SHB: variants seen among roughly 807,000 people sequenced by gnomAD.
SHB encodes the protein SH2 domain-containing adapter protein B.
SHB carries 20 observed loss-of-function variants against 52.3 expected under a neutral mutation model. The observed-to-expected ratio is 0.38, with a 90% confidence interval of 0.27 to 0.56. The LOEUF is 0.56. SHB is among the 20% of genes least tolerant of loss of function. The pLI is 0.71. For synonymous variants in SHB, 397 were observed against 316.5 expected, an observed-to-expected ratio of 1.25 and a Z score of -2.70; for missense variants, 825 against 723.3, an observed-to-expected ratio of 1.14 and a Z score of -1.61.
At chr9:38,033,144 G>A (rs760969364) in intron 1 of SHB, among the ~76,000 whole-genome samples, 3 of 152,206 alleles carry the variant, frequency 2.0e-5, no homozygotes, top group Admixed American at 1.3e-4. Context: ...AGGACTGGAC[G>A]ATCTAAGGAG....
At chr9:38,009,290 A>T (rs1461505286) in intron 2 of SHB, among the ~76,000 whole-genome samples, 1 of 152,164 alleles carries the variant, frequency 6.6e-6, no homozygotes, top group Non-Finnish European at 1.5e-5. Flanking sequence ...CTGATGCCAC[A>T]TGGAGGTGGC....
chr9:37,968,711 GTTAC>G (rs1212948807), intron 3 of SHB, among the ~76,000 whole-genome samples: 1 of 152,214 alleles, frequency 6.6e-6, no homozygotes, highest in Non-Finnish European at 1.5e-5. Flanking sequence ...AAGAGCTGCA[GTTAC>G]TTACTTCTCA....
chr9:38,059,792 G>A (rs1564113065), intron 1 of SHB, among the ~76,000 whole-genome samples: 1 of 152,150 alleles, frequency 6.6e-6, no homozygotes, highest in East Asian at 1.9e-4. Context: ...CACACAGCAG[G>A]TACTGGCCAC....
At chr9:38,027,103 G>A (rs962826393) in intron 1 of SHB, among the ~76,000 whole-genome samples, 1 of 152,244 alleles carries the variant, frequency 6.6e-6, no homozygotes, top group African/African-American at 2.4e-5. Flanking sequence ...CCACCAGGAA[G>A]GCAGGTTCTG....
Position 37,955,959 on chromosome 9 carries a change from T to TA in SHB, c.1149dup (p.Ile384TyrfsTer7). 6.2e-7 allele frequency: 1 copy of TA among 1,612,100 alleles called. No individual in the cohort carries two copies. Among genetic ancestry groups the TA allele is most frequent in the Non-Finnish European group, 8.5e-7 (1 of 1,179,408 alleles). On this transcript the variant is annotated frameshift_variant, in exon 4 of 6. Transcript: ENST00000377707. LOFTEE classifies it high-confidence loss of function. ...CAGAACTCAGGGCTCCCATGTTTGATAGGCTTAAAGCCCCCTCCAGGGGCA... is the reference window on the plus strand; with the variant it reads ...CAGAACTCAGGGCTCCCATGTTTGATAAGGCTTAAAGCCCCCTCCAGGGGCA...
chr9:38,015,837 A>C (rs1380042408), intron 2 of SHB, among the ~76,000 whole-genome samples, 174 bp downstream of exon 2: 1 of 152,176 alleles, frequency 6.6e-6, no homozygotes, highest in East Asian at 1.9e-4. Context: ...TATAGGTGAA[A>C]CATAAGCAGG....
intron 3 of SHB, among the ~76,000 whole-genome samples, chr9:37,956,348 T>G (rs1198749013): frequency 3.3e-5 from 5 of 151,976 alleles, no homozygotes; most frequent in Non-Finnish European, 5.9e-5. Flanking sequence ...GGCATGGCAC[T>G]GCCTTCGGGG....
intron 1 of SHB, among the ~76,000 whole-genome samples, chr9:38,020,912 A>G (rs566390948): frequency 2.1e-4 from 32 of 152,328 alleles, no homozygotes; most frequent in Admixed American, 1.5e-3. Context: ...GGCCAAGGCC[A>G]ATTTACTCTC....
intron 3 of SHB, among the ~76,000 whole-genome samples, chr9:37,967,859 C>T (rs937651034): frequency 8.5e-5 from 13 of 152,334 alleles, no homozygotes; most frequent in Admixed American, 2.6e-4. Context: ...AGGGAAGGCG[C>T]GGATCGGAGG....
intron 5 of SHB, among the ~76,000 whole-genome samples, chr9:37,926,096 C>T (rs996816680): frequency 6.6e-6 from 1 of 152,138 alleles, no homozygotes; most frequent in Non-Finnish European, 1.5e-5. Context: ...TAATGCTAAC[C>T]TGCTGTGATG....
At chr9:38,036,418 T>C (rs1280025992) in intron 1 of SHB, among the ~76,000 whole-genome samples, 1 of 152,238 alleles carries the variant, frequency 6.6e-6, no homozygotes, top group African/African-American at 2.4e-5. Context: ...CAGCAAACTC[T>C]TTACCAATGA....
At chr9:37,958,725 G>A (rs1832662165) in intron 3 of SHB, among the ~76,000 whole-genome samples, 1 of 152,178 alleles carries the variant, frequency 6.6e-6, no homozygotes, top group Non-Finnish European at 1.5e-5. Context: ...ACCTGGAGCT[G>A]GGGCCCTAGC....
At chr9:38,038,688 A>C (rs2118133031) in intron 1 of SHB, among the ~76,000 whole-genome samples, 1 of 152,316 alleles carries the variant, frequency 6.6e-6, no homozygotes, top group Non-Finnish European at 1.5e-5. Context: ...TCCCCAGGAC[A>C]CAGGGATGCA....
intron 5 of SHB, among the ~76,000 whole-genome samples, chr9:37,930,088 T>C (rs1056195086): frequency 2.6e-5 from 4 of 152,024 alleles, no homozygotes; most frequent in African/African-American, 9.7e-5. Flanking sequence ...GGCGACAGAG[T>C]GAGACCCTGT....
intron 2 of SHB, among the ~76,000 whole-genome samples, chr9:37,999,248 G>C (rs1332794833): frequency 6.6e-6 from 1 of 152,142 alleles, no homozygotes; most frequent in Admixed American, 6.5e-5. Flanking sequence ...GGACAGTGAG[G>C]AGGGATCTGT....
intron 1 of SHB, among the ~76,000 whole-genome samples, chr9:38,055,814 C>G (rs529442177): frequency 6.6e-6 from 1 of 151,890 alleles, no homozygotes; most frequent in African/African-American, 2.4e-5. Flanking sequence ...GCCACATGGG[C>G]AGGGCAGACC....
intron 2 of SHB, among the ~76,000 whole-genome samples, chr9:38,010,173 T>G (rs1821121409): frequency 6.6e-6 from 1 of 152,208 alleles, no homozygotes; most frequent in Admixed American, 6.5e-5. Context: ...GGCTCAGTAT[T>G]CTCCTCTGTA....
intron 2 of SHB, among the ~76,000 whole-genome samples, chr9:38,013,194 A>G (rs1821164705): frequency 6.6e-6 from 1 of 152,238 alleles, no homozygotes; most frequent in East Asian, 1.9e-4. Context: ...ATGCAAACAC[A>G]GAGCAGCATA....
intron 2 of SHB, chr9:38,015,398 C>T (rs1351783419): frequency 1.4e-6 from 1 of 702,996 alleles, no homozygotes; most frequent in African/African-American, 1.7e-5. Context: ...CTTGACTCCA[C>T]ACAATTGCTT....
Sources: gnomAD v4.1 joint callset for allele counts (sites outside exome capture counted in the v4.1 genomes callset) on GRCh38, gnomAD v4.1.1 for gene constraint, MANE v1.5 for transcripts, NCBI Gene and HGNC (gene_info 2026-07-23, HGNC 2026-07-21) for gene names.